Variants in DSTN observed in about 807,000 individuals in gnomAD.
The protein encoded by DSTN is destrin, actin depolymerizing factor.
In DSTN, 10 loss-of-function variants were observed where a neutral mutation model predicts 16.8. That is an observed-to-expected ratio of 0.60 (90% CI 0.37 to 1.01). The LOEUF (loss-of-function observed/expected upper bound fraction) is 1.01, where lower values mean the gene tolerates loss of function less well. DSTN is among the 50% of genes least tolerant of loss of function. The pLI is 0.01. For missense variants in DSTN, 141 were observed against 196.7 expected (o/e 0.72, Z 1.69); for synonymous variants, 57 against 58.9 (o/e 0.97, Z 0.14).
chr20:17,597,535 G>T (rs181289277), intron 1 of DSTN, among the ~76,000 whole-genome samples: 13 of 152,260 alleles, frequency 8.5e-5, no homozygotes, highest in Admixed American at 3.9e-4. Context: ...TAGCAGTGAA[G>T]CCAGATCTTT....
chr20:17,570,248 GCC>G, intron 1 of DSTN, 37 bp downstream of exon 1: 1 of 1,483,456 alleles, frequency 6.7e-7, no homozygotes, highest in Non-Finnish European at 8.9e-7. Flanking sequence ...GGCCGAGGCG[GCC>G]GGGAGCAGTG....
Position 17,600,772 on chromosome 20 carries a change from G to A in DSTN, c.38G>A (p.Arg13His), listed in dbSNP as rs1184752989. 11 of 1,612,312 alleles carry A rather than the reference G, an allele frequency of 6.8e-6. No homozygotes were observed. The highest frequency in any genetic ancestry group is 4.5e-5 in the East Asian group (2 of 44,858). Residue 13 changes from arginine (R) to histidine (H), a missense_variant, in exon 2 of 4, where the codon CGC becomes CAC. Arg to His is a conservative substitution (Grantham distance 29). Coordinates refer to ENST00000246069, the MANE Select transcript of DSTN (RefSeq NM_006870.4). ...SGVQVADEVC[R>H]IFYDMKVRKC... ...GTGCAAGTAGCTGATGAAGTATGTC[G>A]CATTTTTTATGACATGAAAGTTCGT... is the stretch of plus-strand genomic sequence containing the variant.
At chr20:17,597,572 A>G (rs908257546) in intron 1 of DSTN, among the ~76,000 whole-genome samples, 3 of 152,210 alleles carry the variant, frequency 2.0e-5, no homozygotes, top group African/African-American at 7.2e-5. Context: ...CGAATAACAT[A>G]CATTCTACCC....
In DSTN at chr20:17,572,704, A is replaced by G. The variant is rs773720494; in HGVS notation, c.3+2493A>G. On this transcript the variant is annotated intron_variant, in intron 1 of 3. Coordinates refer to ENST00000246069, the MANE Select transcript of DSTN (RefSeq NM_006870.4). ...AGGTTGGGCATGTATTCACATGCCT[A>G]TTTAACATATGAGAAAACAGATTGT... Among the ~76,000 whole-genome samples, 49 of 152,232 alleles carry G rather than the reference A, an allele frequency of 3.2e-4. 2 individuals are homozygous for G. The highest frequency in any genetic ancestry group is 1.4e-4 in the African/African-American group (6 of 41,466).
At chr20:17,604,494 C>G in intron 2 of DSTN, 61 bp from the exon 3 acceptor site, 10 of 1,494,226 alleles carry the variant, frequency 6.7e-6, no homozygotes, top group Non-Finnish European at 9.2e-6. Context: ...AAATGTTTAA[C>G]AAGTTGCAAG....
intron 3 of DSTN, among the ~76,000 whole-genome samples, chr20:17,606,260 TGC>T (rs2035642204): frequency 6.6e-6 from 1 of 152,256 alleles, no homozygotes. Flanking sequence ...GGAATAACCA[TGC>T]AGCTATTTAA....
chr20:17,572,469 A>C (rs1168510266), intron 1 of DSTN, among the ~76,000 whole-genome samples: 1 of 152,208 alleles, frequency 6.6e-6, no homozygotes, highest in African/African-American at 2.4e-5. Context: ...AGACTTGCCT[A>C]GCTCCTCTTG....
At chr20:17,589,024 C>T (rs942616433) in intron 1 of DSTN, among the ~76,000 whole-genome samples, 1 of 152,060 alleles carries the variant, frequency 6.6e-6, no homozygotes, top group Admixed American at 6.6e-5. Context: ...AGCAGGATGG[C>T]GTTCAGGAGG....
intron 2 of DSTN, among the ~76,000 whole-genome samples, chr20:17,601,508 G>A (rs73260515): frequency 0.069 from 10,538 of 152,040 alleles, 585 homozygotes; most frequent in African/African-American, 0.15. Flanking sequence ...TTGCTCTACA[G>A]TTGCACTGTT....
intron 1 of DSTN, among the ~76,000 whole-genome samples, chr20:17,597,299 A>T (rs2035536477): frequency 6.6e-6 from 1 of 152,226 alleles, no homozygotes; most frequent in South Asian, 2.1e-4. Context: ...ATGTTCATTT[A>T]TGAACAGAAA....
intron 1 of DSTN, among the ~76,000 whole-genome samples, chr20:17,575,420 T>C (rs2035267722): frequency 6.6e-6 from 1 of 152,110 alleles, no homozygotes; most frequent in African/African-American, 2.4e-5. Flanking sequence ...CATTTGCATA[T>C]GTAAACCACA....
At chr20:17,574,603 G>C (rs1290809399) in intron 1 of DSTN, among the ~76,000 whole-genome samples, 1 of 151,560 alleles carries the variant, frequency 6.6e-6, no homozygotes, top group Admixed American at 6.6e-5. Flanking sequence ...GCACGTGCCT[G>C]TAATCCCAGC....
Position 17,608,676 on chromosome 20 carries a change from T to G in DSTN, c.*1530T>G, listed in dbSNP as rs1174520262. 6.6e-6 allele frequency: 1 copy of G among 151,280 alleles called. No homozygotes were observed. The highest frequency in any genetic ancestry group is 1.9e-4 in the East Asian group (1 of 5,160). The allele number at this position is 151,280 out of a possible 1,614,324, so 9.4% of individuals were successfully genotyped here. The stretch of plus-strand genomic sequence containing the variant: ...TGAATAAGAAAGTTGGTGTAAAAGT[T>G]GGGAACGTTTTCAATGTTTATTACA... On this transcript the variant is annotated 3_prime_UTR_variant, in exon 4 of 4. Transcript: ENST00000246069.
chr20:17,597,613 T>C (rs1293761259), intron 1 of DSTN, among the ~76,000 whole-genome samples: 1 of 152,218 alleles, frequency 6.6e-6, no homozygotes, highest in South Asian at 2.1e-4. Flanking sequence ...CCCCTGGCTC[T>C]CCATTGTCTT....
chr20:17,573,440 C>T (rs904233946), intron 1 of DSTN, among the ~76,000 whole-genome samples: 4 of 152,024 alleles, frequency 2.6e-5, no homozygotes, highest in Non-Finnish European at 5.9e-5. Context: ...GATAGACATT[C>T]AGCCATTTCC....
In DSTN at chr20:17,609,176, GTTTC is replaced by G. The variant is rs1309904972; in HGVS notation, c.*2034_*2037del. ...GCTTGTCATTCATCCTGAATTGCTT[GTTTC>G]TTTACTTTGTAGCAATGCTTTTAGT... On this transcript the variant is annotated 3_prime_UTR_variant, in exon 4 of 4. Coordinates refer to ENST00000246069, the MANE Select transcript of DSTN (RefSeq NM_006870.4). 2 of 152,212 alleles carry G rather than the reference GTTTC, an allele frequency of 1.3e-5. No homozygotes were observed. The highest frequency in any genetic ancestry group is 3.8e-4 in the East Asian group (2 of 5,198). The allele number at this position is 152,212 out of a possible 1,614,324, so 9.4% of individuals were successfully genotyped here. A position where few individuals can be genotyped will look rare whatever the true frequency, so the allele number is the denominator to read the frequency against.
intron 1 of DSTN, among the ~76,000 whole-genome samples, chr20:17,590,669 G>C (rs956833641): frequency 6.6e-6 from 1 of 152,128 alleles, no homozygotes; most frequent in African/African-American, 2.4e-5. Context: ...TCCTTTAATG[G>C]TCTTTATTGT....
rs549702820 is a variant in DSTN at position 17,601,065 on chromosome 20, T to G, written c.311+20T>G. Reference sequence around the variant, plus strand: ...TTTGTGGTAAGCATGTTAGAAATATTGAGCCTCTGTAAAACTCATTTTGTT... The same window carrying G: ...TTTGTGGTAAGCATGTTAGAAATATGGAGCCTCTGTAAAACTCATTTTGTT... On this transcript the variant is annotated intron_variant, in intron 2 of 3. Transcript: ENST00000246069. The G allele has an allele frequency of 6.4e-7, 1 of 1,569,854 alleles. No individual in the cohort carries two copies. Among genetic ancestry groups the G allele is most frequent in the African/African-American group, 1.4e-5 (1 of 73,020 alleles).
At chr20:17,595,610 C>T (rs1440037421) in intron 1 of DSTN, among the ~76,000 whole-genome samples, 2 of 150,722 alleles carry the variant, frequency 1.3e-5, no homozygotes, top group Admixed American at 6.6e-5. Flanking sequence ...CAAGAGCGAA[C>T]GTCCATCTGG....
Sources: gnomAD v4.1 joint callset for allele counts (sites outside exome capture counted in the v4.1 genomes callset) on GRCh38, gnomAD v4.1.1 for gene constraint, MANE v1.5 for transcripts, NCBI Gene and HGNC (gene_info 2026-07-23, HGNC 2026-07-21) for gene names.